Variants in MYO3A observed in about 807,000 individuals in gnomAD.
The protein encoded by MYO3A is myosin IIIA, also known as myosin-IIIa.
Under a neutral mutation model 192.7 loss-of-function variants are expected in MYO3A, and 180 were observed. That is an observed-to-expected ratio of 0.93 (90% CI 0.83 to 1.06). The LOEUF (loss-of-function observed/expected upper bound fraction) is 1.06. MYO3A is among the 50% of genes least tolerant of loss of function. The pLI is 0.00. For missense variants in MYO3A, 1,896 were observed against 1,905.0 expected (o/e 1.00, Z 0.09); for synonymous variants, 628 against 645.3 (o/e 0.97, Z 0.41).
chr10:26,205,685 C>T (rs1410333569), intron 34 of MYO3A, among the ~76,000 whole-genome samples: 3 of 135,406 alleles, frequency 2.2e-5, no homozygotes, highest in East Asian at 2.3e-4. Flanking sequence ...GGCACGATCT[C>T]GGCTCACTGC....
At chr10:26,204,509 A>G (rs1201101739) in intron 34 of MYO3A, 5 of 152,220 alleles carry the variant, frequency 3.3e-5, no homozygotes, top group Non-Finnish European at 7.3e-5. Flanking sequence ...AGTATTGTTG[A>G]CTGCCTACAT....
At chr10:26,065,421 T>G (rs962584831) in intron 10 of MYO3A, among the ~76,000 whole-genome samples, 16 of 151,534 alleles carry the variant, frequency 1.1e-4, no homozygotes, top group South Asian at 2.1e-4. Context: ...CTGTCACTAT[T>G]AAAAATGCAA....
At chr10:26,016,949 T>C in intron 7 of MYO3A, 53 bp downstream of exon 7, 1 of 1,508,340 alleles carries the variant, frequency 6.6e-7, no homozygotes, top group Non-Finnish European at 9.2e-7. Flanking sequence ...TGTTTGACTT[T>C]CCTTTTTATG....
chr10:25,987,467 C>T (rs1388303003), intron 4 of MYO3A, among the ~76,000 whole-genome samples: 4 of 152,022 alleles, frequency 2.6e-5, no homozygotes, highest in Admixed American at 6.6e-5. Flanking sequence ...ATATATCTGA[C>T]GAAGAACTAA....
In MYO3A at chr10:26,155,202, A is replaced by G. The variant is rs554557339; in HGVS notation, c.2793+379A>G. On this transcript the variant is annotated intron_variant, in intron 25 of 34. Coordinates refer to ENST00000642920, the MANE Select transcript of MYO3A (RefSeq NM_017433.5). Reference sequence around the variant, plus strand: ...ACAGATAGGGCAAGGCTGAGCATCCATCTCCATTTCATATCACCCTGCCTG... The same window carrying G: ...ACAGATAGGGCAAGGCTGAGCATCCGTCTCCATTTCATATCACCCTGCCTG... 3.9e-5 allele frequency among the ~76,000 whole-genome samples: 6 copies of G among 152,324 alleles called. No homozygotes were observed. The South Asian group carries it at 1.0e-3, about 26-fold the overall frequency.
At chr10:26,159,348 CT>C (rs890431952) in intron 26 of MYO3A, among the ~76,000 whole-genome samples, 3 of 141,264 alleles carry the variant, frequency 2.1e-5, no homozygotes, top group African/African-American at 7.8e-5. Context: ...TTTAGTTTTT[CT>C]TTTTTTTCTT....
intron 6 of MYO3A, among the ~76,000 whole-genome samples, chr10:26,013,255 C>CA (rs2131022689): frequency 6.6e-6 from 1 of 152,108 alleles, no homozygotes; most frequent in East Asian, 1.9e-4. Flanking sequence ...GCAAATGCAA[C>CA]AAAAACAAAG....
chr10:26,134,462 C>CA (rs1215870387), intron 20 of MYO3A, among the ~76,000 whole-genome samples: 2 of 135,364 alleles, frequency 1.5e-5, no homozygotes, highest in African/African-American at 5.3e-5. Flanking sequence ...TTTTACAGGA[C>CA]AAGTATTATC....
chr10:26,056,763 C>T (rs1468202456), intron 10 of MYO3A, among the ~76,000 whole-genome samples: 1 of 152,166 alleles, frequency 6.6e-6, no homozygotes, highest in African/African-American at 2.4e-5. Context: ...TTGACAGATA[C>T]CATCATCTAT....
intron 10 of MYO3A, among the ~76,000 whole-genome samples, chr10:26,041,317 C>A (rs1327390831): frequency 6.6e-6 from 1 of 151,086 alleles, no homozygotes; most frequent in Non-Finnish European, 1.5e-5. Flanking sequence ...AGCAACAGAT[C>A]ATTTGGTTTT....
At chr10:26,007,049 C>T (rs1841271381) in intron 6 of MYO3A, among the ~76,000 whole-genome samples, 1 of 147,324 alleles carries the variant, frequency 6.8e-6, no homozygotes, top group African/African-American at 2.6e-5. Context: ...AAGTGGGCTT[C>T]ATCCCTGGGA....
rs140889850 is a variant in MYO3A at position 26,044,937 on chromosome 10, G to A, written c.953+18405G>A. Among the ~76,000 whole-genome samples the A allele has an allele frequency of 3.0e-3, 453 of 152,310 alleles. 3 individuals are homozygous for A. The highest frequency in any genetic ancestry group is 0.011 in the African/African-American group (439 of 41,572). ...TCCTGGGTGAATGGAGCTGCAGAAG[G>A]GCATGGCATGCCTGGTGTGCAGGCT... is the stretch of plus-strand genomic sequence containing the variant. On this transcript the variant is annotated intron_variant, in intron 10 of 34. Transcript: ENST00000642920.
chr10:26,211,719 C>T, intron 34 of MYO3A, 124 bp from the exon 35 acceptor site: 1 of 1,463,740 alleles, frequency 6.8e-7, no homozygotes, highest in Non-Finnish European at 9.3e-7. Flanking sequence ...TTCGATTGTG[C>T]CTTTCCTAAA....
At chr10:25,955,158 C>A in intron 4 of MYO3A, 150 bp downstream of exon 4, 2 of 1,122,320 alleles carry the variant, frequency 1.8e-6, no homozygotes, top group Non-Finnish European at 2.6e-6. Flanking sequence ...TTTGGCCTTG[C>A]CTTCTTAAGA....
In MYO3A at chr10:26,088,281, A is replaced by G. The variant is rs770037119; in HGVS notation, c.1438A>G (p.Ile480Val). 2 of 1,613,722 alleles carry G rather than the reference A, an allele frequency of 1.2e-6. No individual in the cohort carries two copies. Among genetic ancestry groups the G allele is most frequent in the African/African-American group, 2.7e-5 (2 of 74,918 alleles). The change falls in exon 15 of 35, where the codon ATA (isoleucine) becomes GTA (valine). Residue 480 changes from isoleucine (I) to valine (V), a missense_variant. Transcript: ENST00000642920. The part of the protein sequence containing the change: ...VEAFGNACTI[I>V]NDNSSRFGKY... ...AGCCTTTGGCAATGCCTGCACTATT[A>G]TAAATGACAATTCTAGCAGATTTGG...
intron 2 of MYO3A, among the ~76,000 whole-genome samples, chr10:25,944,529 A>C (rs921658321): frequency 6.6e-6 from 1 of 151,966 alleles, no homozygotes; most frequent in Non-Finnish European, 1.5e-5. Flanking sequence ...TCTGGTCCTG[A>C]GATTTTGTTG....
chr10:25,982,842 G>C (rs1270775522), intron 4 of MYO3A, among the ~76,000 whole-genome samples: 1 of 152,100 alleles, frequency 6.6e-6, no homozygotes, highest in East Asian at 1.9e-4. Flanking sequence ...ACCCAAATGA[G>C]AAGGAACCAG....
At chr10:25,939,416 T>G (rs185376268) in intron 2 of MYO3A, among the ~76,000 whole-genome samples, 5 of 152,150 alleles carry the variant, frequency 3.3e-5, no homozygotes, top group Admixed American at 1.3e-4. Flanking sequence ...ATTTTAGCTT[T>G]TCTTCCTTTC....
intron 2 of MYO3A, among the ~76,000 whole-genome samples, chr10:25,948,581 G>T (rs977863901): frequency 6.6e-6 from 1 of 152,018 alleles, no homozygotes; most frequent in African/African-American, 2.4e-5. Context: ...GCATGCTAAA[G>T]TATTAGGGAA....
Sources: gnomAD v4.1 joint callset for allele counts (sites outside exome capture counted in the v4.1 genomes callset) on GRCh38, gnomAD v4.1.1 for gene constraint, MANE v1.5 for transcripts, NCBI Gene and HGNC (gene_info 2026-07-23, HGNC 2026-07-21) for gene names.